The following SPRED2 variants were observed in gnomAD, a reference collection of about 807,000 sequenced individuals.
SPRED2 encodes the protein sprouty-related, EVH1 domain-containing protein 2.
Under a neutral mutation model 43.0 loss-of-function variants are expected in SPRED2, and 47 were observed. The ratio of observed to expected loss-of-function variants is 1.09; its 90% CI spans 0.87 to 1.40. The LOEUF (loss-of-function observed/expected upper bound fraction) is 1.40. Among genes scored for constraint, SPRED2 ranks in the 40% most tolerant of loss-of-function variants. SPRED2 has a pLI of 0.00. For synonymous variants in SPRED2, 225 were observed against 225.7 expected (o/e 1.00, Z 0.03); for missense variants, 561 against 586.4 (o/e 0.96, Z 0.45).
At position 65,379,962 on chromosome 2, in the gene SPRED2, C is replaced by T. The variant is rs567845382; in HGVS notation, c.27-35066G>A. 8.5e-5 allele frequency among the ~76,000 whole-genome samples: 13 copies of T among 152,316 alleles called. 1 individual carries two copies. In the South Asian group the frequency reaches 2.7e-3, roughly 32 times the overall value. On this transcript the variant is annotated intron_variant, in intron 1 of 5. Transcript: ENST00000356388. The stretch of plus-strand genomic sequence containing the variant: ...CTCCACCCACCCCAGCTGGGTGTTG[C>T]TTTCCAGCTGCCCTGGCTGCTCTGT...
chr2:65,367,384 A>T (rs557943705), intron 1 of SPRED2, among the ~76,000 whole-genome samples: 1 of 152,336 alleles, frequency 6.6e-6, no homozygotes, highest in East Asian at 1.9e-4. Flanking sequence ...AAATGGTTGC[A>T]TCTGTGTAGT....
rs76256301 is a variant in SPRED2, at chr2:65,311,461, T to C, written c.*2040A>G. Reference sequence around the variant, plus strand: ...AACAGCTGGGATATGTGCGTTCTTATTGAAATAAATAGGGGCACTTGAACT... The same window carrying C: ...AACAGCTGGGATATGTGCGTTCTTACTGAAATAAATAGGGGCACTTGAACT... On this transcript the variant is annotated 3_prime_UTR_variant, in exon 6 of 6. Coordinates refer to ENST00000356388, the MANE Select transcript of SPRED2 (RefSeq NM_181784.3). 378 of 985,822 alleles carry C rather than the reference T, an allele frequency of 3.8e-4. 4 individuals are homozygous for C. The East Asian group carries it at 0.034, about 90-fold the overall frequency. The allele number at this position is 985,822 out of a possible 1,614,324, so 61.1% of individuals were successfully genotyped here.
At chr2:65,401,937 G>GTGCACACACACACACACA (rs1553426614) in intron 1 of SPRED2, among the ~76,000 whole-genome samples, 5 of 114,714 alleles carry the variant, frequency 4.4e-5, no homozygotes, top group African/African-American at 1.7e-4. Flanking sequence ...GCGCGCGCGC[G>GTGCACACACACACACACA]CACACACACA....
chr2:65,423,853 G>A (rs1456223201), intron 1 of SPRED2, among the ~76,000 whole-genome samples: 4 of 151,226 alleles, frequency 2.6e-5, no homozygotes, highest in South Asian at 4.2e-4. Context: ...TGCTTAGCAC[G>A]ATCTCTGCTT....
Position 65,371,935 on chromosome 2 carries a change from G to T in SPRED2, c.27-27039C>A, listed in dbSNP as rs753353064. ...TACTAAAAATACAAAAATTATCCGG[G>T]TGTGGTGGATGCCTGTAATCCCAGC... On this transcript the variant is annotated intron_variant, in intron 1 of 5. Transcript: ENST00000356388. 4.1e-4 allele frequency among the ~76,000 whole-genome samples: 63 copies of T among 152,060 alleles called. 1 individual carries two copies. The highest frequency in any genetic ancestry group is 3.3e-4 in the Admixed American group (5 of 15,254).
intron 1 of SPRED2, among the ~76,000 whole-genome samples, chr2:65,413,350 A>G (rs1486929098): frequency 6.6e-6 from 1 of 152,098 alleles, no homozygotes; most frequent in Non-Finnish European, 1.5e-5. Flanking sequence ...GCCAGCCAAT[A>G]CCCACAGTGC....
At chr2:65,341,840 A>G (rs1356258141) in intron 2 of SPRED2, among the ~76,000 whole-genome samples, 2 of 152,200 alleles carry the variant, frequency 1.3e-5, no homozygotes, top group Non-Finnish European at 2.9e-5. Flanking sequence ...ATAAGCCTTC[A>G]GACAAGATAA....
Position 65,332,108 on chromosome 2 carries a change from C to T in SPRED2, c.374-57G>A, listed in dbSNP as rs944364941. On this transcript the variant is annotated intron_variant, in intron 3 of 5. Coordinates refer to ENST00000356388, the MANE Select transcript of SPRED2 (RefSeq NM_181784.3). ...TCCCAAGAGGATACATCAAATCCAA[C>T]CGTTTAAAAAAGTATATTTTAATAA... 8 of 1,161,302 alleles carry T rather than the reference C, an allele frequency of 6.9e-6. No individual in the cohort carries two copies. In the African/African-American group the frequency reaches 1.2e-4, roughly 18 times the overall value. 71.9% of individuals were successfully genotyped at this position (1,161,302 alleles called of 1,614,324 possible). A position where few individuals can be genotyped will look rare whatever the true frequency, so the allele number is the denominator to read the frequency against.
At chr2:65,317,937 T>C (rs1173819100) in intron 4 of SPRED2, among the ~76,000 whole-genome samples, 1 of 151,954 alleles carries the variant, frequency 6.6e-6, no homozygotes, top group East Asian at 1.9e-4. Context: ...TGGAAGGTGA[T>C]TAGCTATCAG....
At chr2:65,352,122 G>A (rs1007223742) in intron 1 of SPRED2, among the ~76,000 whole-genome samples, 2 of 152,180 alleles carry the variant, frequency 1.3e-5, no homozygotes, top group African/African-American at 2.4e-5. Flanking sequence ...CAGTGTTAAC[G>A]AAAGCTCATA....
intron 1 of SPRED2, among the ~76,000 whole-genome samples, chr2:65,393,704 A>G (rs927124725): frequency 2.0e-5 from 3 of 152,194 alleles, no homozygotes; most frequent in Non-Finnish European, 4.4e-5. Context: ...GAAATGAGAA[A>G]GACTTATTGG....
rs756627664 is a variant in SPRED2, at chr2:65,344,704, T to A, written c.204+15A>T. Reference sequence around the variant, plus strand: ...TGTTACTAATTTAACCCACGAGTTGTATGTCTGCCATTACCAGTTTGTCTT... The same window carrying A: ...TGTTACTAATTTAACCCACGAGTTGAATGTCTGCCATTACCAGTTTGTCTT... On this transcript the variant is annotated intron_variant, in intron 2 of 5. Coordinates refer to ENST00000356388, the MANE Select transcript of SPRED2 (RefSeq NM_181784.3). 1 of 1,613,160 alleles carries A rather than the reference T, an allele frequency of 6.2e-7. No individual in the cohort carries two copies. Among genetic ancestry groups the A allele is most frequent in the East Asian group, 2.2e-5 (1 of 44,854 alleles).
chr2:65,375,871 G>A (rs982233963), intron 1 of SPRED2, among the ~76,000 whole-genome samples: 1 of 152,258 alleles, frequency 6.6e-6, no homozygotes, highest in South Asian at 2.1e-4. Flanking sequence ...ATGAGCCCCC[G>A]ATGCTAAGAA....
intron 1 of SPRED2, among the ~76,000 whole-genome samples, chr2:65,409,957 G>A (rs532443725): frequency 1.3e-5 from 2 of 151,622 alleles, no homozygotes; most frequent in Admixed American, 6.6e-5. Flanking sequence ...TTGAACCAGG[G>A]AGGTGGAGGT....
chr2:65,400,296 T>C (rs1675854646), intron 1 of SPRED2, among the ~76,000 whole-genome samples: 1 of 152,264 alleles, frequency 6.6e-6, no homozygotes, highest in Non-Finnish European at 1.5e-5. Flanking sequence ...TTCTTTCTTA[T>C]AACTTTCTGC....
chr2:65,377,385 G>C (rs57427101), intron 1 of SPRED2, among the ~76,000 whole-genome samples: 6,022 of 152,258 alleles, frequency 0.04, 414 homozygotes, highest in African/African-American at 0.14. Context: ...ATACGTGGTA[G>C]CACTGGATTG....
intron 4 of SPRED2, among the ~76,000 whole-genome samples, chr2:65,320,208 T>G (rs1485590382): frequency 6.6e-6 from 1 of 152,228 alleles, no homozygotes; most frequent in Non-Finnish European, 1.5e-5. Context: ...AGGTTAGAAG[T>G]TAGCCTTGTG....
chr2:65,334,092 C>A, intron 3 of SPRED2: 1 of 424,774 alleles, frequency 2.4e-6, no homozygotes, highest in Admixed American at 2.8e-5. Context: ...TCAGATGTAA[C>A]ACAATGCCTA....
intron 1 of SPRED2, among the ~76,000 whole-genome samples, chr2:65,380,945 C>G (rs1675359650): frequency 6.6e-6 from 1 of 152,116 alleles, no homozygotes. Context: ...ATTGACATGC[C>G]AAGTACACTT....
Sources: gnomAD v4.1 joint callset for allele counts (sites outside exome capture counted in the v4.1 genomes callset) on GRCh38, gnomAD v4.1.1 for gene constraint, MANE v1.5 for transcripts, NCBI Gene and HGNC (gene_info 2026-07-23, HGNC 2026-07-21) for gene names.